GRIK2: variants seen among roughly 807,000 people sequenced by gnomAD.
GRIK2 encodes the protein glutamate ionotropic receptor kainate type subunit 2.
Under a neutral mutation model 100.3 loss-of-function variants are expected in GRIK2, and 32 were observed. The ratio of observed to expected loss-of-function variants is 0.32; its 90% CI spans 0.24 to 0.43. The LOEUF (loss-of-function observed/expected upper bound fraction) is 0.43. Among genes scored for constraint, GRIK2 ranks in the 20% least tolerant of loss-of-function variants. The pLI is 1.00. For synonymous variants in GRIK2, 417 were observed against 389.4 expected (o/e 1.07, Z -0.83); for missense variants, 843 against 1,114.9 (o/e 0.76, Z 3.47).
intron 7 of GRIK2, among the ~76,000 whole-genome samples, chr6:101,760,161 GC>G (rs1202539160): frequency 3.4e-5 from 5 of 146,074 alleles, no homozygotes; most frequent in Admixed American, 2.1e-4. Flanking sequence ...GAGCCACCGC[GC>G]CCGGCCAGCA....
At chr6:101,665,408 C>T (rs773845715) in intron 4 of GRIK2, among the ~76,000 whole-genome samples, 10 of 152,226 alleles carry the variant, frequency 6.6e-5, no homozygotes, top group Non-Finnish European at 1.3e-4. Context: ...AAGAGAAGCA[C>T]AGCCACTGTC....
chr6:101,452,339 G>A (rs1439566200), intron 2 of GRIK2, among the ~76,000 whole-genome samples: 1 of 151,814 alleles, frequency 6.6e-6, no homozygotes, highest in Non-Finnish European at 1.5e-5. Flanking sequence ...TCTCAAGCTT[G>A]GCTGCATATG....
chr6:101,764,551 A>G (rs1459279765), intron 7 of GRIK2, among the ~76,000 whole-genome samples: 5 of 152,078 alleles, frequency 3.3e-5, no homozygotes, highest in Admixed American at 3.3e-4. Context: ...ATTTATCTGC[A>G]TTACTTTTTA....
At chr6:101,792,657 A>G (rs1258896108) in intron 7 of GRIK2, among the ~76,000 whole-genome samples, 1 of 151,860 alleles carries the variant, frequency 6.6e-6, no homozygotes, top group Admixed American at 6.6e-5. Context: ...CCTTCATTTC[A>G]ACTTTGGTAA....
chr6:101,619,024 T>C (rs1419572354), intron 2 of GRIK2, among the ~76,000 whole-genome samples: 1 of 149,118 alleles, frequency 6.7e-6, no homozygotes, highest in East Asian at 2.0e-4. Context: ...TACTTTTTTC[T>C]TCTTGGAACA....
chr6:101,796,195 G>T (rs545948266), intron 7 of GRIK2, among the ~76,000 whole-genome samples: 1 of 152,094 alleles, frequency 6.6e-6, no homozygotes, highest in Non-Finnish European at 1.5e-5. Flanking sequence ...TGTCTGCCTT[G>T]GTTTCCTATT....
At chr6:101,929,565 G>T (rs1350626048) in intron 14 of GRIK2, among the ~76,000 whole-genome samples, 1 of 152,040 alleles carries the variant, frequency 6.6e-6, no homozygotes, top group Non-Finnish European at 1.5e-5. Context: ...GAAGTTACAC[G>T]ACACATTGAG....
At chr6:101,644,753 T>A (rs967899372) in intron 4 of GRIK2, among the ~76,000 whole-genome samples, 2 of 151,844 alleles carry the variant, frequency 1.3e-5, no homozygotes, top group Non-Finnish European at 2.9e-5. Flanking sequence ...TTGTAGTTAT[T>A]GGTGCTATTT....
chr6:101,721,981 T>C (rs976158403), intron 7 of GRIK2, among the ~76,000 whole-genome samples: 1 of 152,006 alleles, frequency 6.6e-6, no homozygotes, highest in African/African-American at 2.4e-5. Flanking sequence ...TAAATCTATG[T>C]CAACTCTAAA....
At position 102,011,577 on chromosome 6, in the gene GRIK2, C is replaced by CTTTTTTTTTT. The variant is rs763369559; in HGVS notation, c.2086-23749_2086-23740dup. 8.0e-4 allele frequency among the ~76,000 whole-genome samples: 61 copies of CTTTTTTTTTT among 76,644 alleles called. 2 individuals carry two copies. The highest frequency in any genetic ancestry group is 1.0e-3 in the African/African-American group (17 of 16,384). 50.3% of individuals were successfully genotyped at this position (76,644 alleles called of 152,430 possible). On this transcript the variant is annotated intron_variant, in intron 14 of 16. Transcript: ENST00000369134. The stretch of plus-strand genomic sequence containing the variant: ...ATTTCTTTTTTTTTTCTTTCTTTTC[C>CTTTTTTTTTT]TTTTTTTTTTTTTTTTTTTTTTTTG...
chr6:101,849,972 G>T (rs1784042108), intron 10 of GRIK2, among the ~76,000 whole-genome samples: 1 of 151,478 alleles, frequency 6.6e-6, no homozygotes, highest in South Asian at 2.1e-4. Context: ...TAGTCATAAG[G>T]ATAAATTCAA....
intron 3 of GRIK2, 111 bp downstream of exon 3, chr6:101,622,227 G>T: frequency 1.7e-6 from 1 of 592,956 alleles, no homozygotes; most frequent in Non-Finnish European, 2.9e-6. Flanking sequence ...AGGAATATTT[G>T]CATGCAAAGA....
At chr6:101,463,303 C>T (rs1771440911) in intron 2 of GRIK2, among the ~76,000 whole-genome samples, 2 of 152,098 alleles carry the variant, frequency 1.3e-5, no homozygotes, top group Non-Finnish European at 2.9e-5. Context: ...ATTTGTTTAG[C>T]ACAATATTAC....
intron 2 of GRIK2, among the ~76,000 whole-genome samples, chr6:101,600,280 C>A (rs1044776238): frequency 1.3e-5 from 2 of 151,752 alleles, no homozygotes; most frequent in African/African-American, 4.8e-5. Flanking sequence ...TGTTCCAGTA[C>A]CATGCTCTTT....
At chr6:101,990,874 A>G (rs1457454886) in intron 14 of GRIK2, among the ~76,000 whole-genome samples, 1 of 151,886 alleles carries the variant, frequency 6.6e-6, no homozygotes, top group Non-Finnish European at 1.5e-5. Flanking sequence ...ATGTCATAAA[A>G]AGGAACATTT....
chr6:101,757,824 A>G (rs1469690844), intron 7 of GRIK2, among the ~76,000 whole-genome samples: 2 of 152,264 alleles, frequency 1.3e-5, no homozygotes, highest in East Asian at 1.9e-4. Context: ...TAAAAAAGCA[A>G]TTTCTCTAAT....
At chr6:101,688,407 T>G (rs1413417003) in intron 7 of GRIK2, among the ~76,000 whole-genome samples, 1 of 151,784 alleles carries the variant, frequency 6.6e-6, no homozygotes, top group Non-Finnish European at 1.5e-5. Flanking sequence ...TCTCCCGAAA[T>G]GAAGTAATCC....
chr6:101,408,649 G>A (rs74649649), intron 2 of GRIK2, among the ~76,000 whole-genome samples: 2,155 of 152,012 alleles, frequency 0.014, 49 homozygotes, highest in African/African-American at 0.05. Context: ...TTTTTCTCAG[G>A]AGGGTCAGTC....
chr6:102,008,017 CA>C (rs2114299042), intron 14 of GRIK2, among the ~76,000 whole-genome samples: 1 of 151,890 alleles, frequency 6.6e-6, no homozygotes, highest in Admixed American at 6.6e-5. Flanking sequence ...TTAAGAAAAT[CA>C]AAAGTTAGAA....
Sources: allele counts gnomAD v4.1 joint callset (sites outside exome capture counted in the v4.1 genomes callset), GRCh38; gene constraint gnomAD v4.1.1; transcripts MANE v1.5; gene names NCBI Gene and HGNC (gene_info 2026-07-23, HGNC 2026-07-21).